MYBPC3: variants seen among roughly 807,000 people sequenced by gnomAD.
MYBPC3 encodes the protein myosin binding protein C3.
A neutral mutation model predicts 159.3 loss-of-function variants in MYBPC3; 108 were observed. The observed-to-expected ratio is 0.68, with a 90% confidence interval of 0.58 to 0.80. The LOEUF (loss-of-function observed/expected upper bound fraction) is 0.80, where lower values mean the gene tolerates loss of function less well. Ranked by LOEUF, MYBPC3 falls within the 30% of genes least tolerant of loss-of-function variation. The pLI is 0.00. For synonymous variants in MYBPC3, 730 were observed against 702.0 expected (o/e 1.04, Z -0.63); for missense variants, 1,631 against 1,762.1 (o/e 0.93, Z 1.33).
Position 47,345,683 on chromosome 11 carries a change from G to A in MYBPC3, c.1090+524C>T, listed in dbSNP as rs376895447. On this transcript the variant is annotated intron_variant, in intron 12 of 34. Coordinates refer to ENST00000545968, the MANE Select transcript of MYBPC3 (RefSeq NM_000256.3). ...GCTCTCCTCTTTCCATCTGCCTGGG[G>A]GTGAGGGTAGTTAACCCAAGCCCTC... is the stretch of plus-strand genomic sequence containing the variant. Among the ~76,000 whole-genome samples the A allele has an allele frequency of 5.3e-5, 8 of 152,278 alleles. No homozygotes were observed. In the East Asian group the frequency reaches 7.7e-4, roughly 15 times the overall value.
In MYBPC3 at chr11:47,335,176, G is replaced by A. The variant is rs200406864; in HGVS notation, c.2771C>T (p.Thr924Ile). 49 of 1,609,644 alleles carry A rather than the reference G, an allele frequency of 3.0e-5. No homozygotes were observed. The highest frequency in any genetic ancestry group is 4.0e-5 in the Non-Finnish European group (47 of 1,177,752). Residue 924 changes from threonine to isoleucine, a missense_variant, in exon 27 of 35, where the codon ACA becomes ATA. Coordinates refer to ENST00000545968, the MANE Select transcript of MYBPC3 (RefSeq NM_000256.3). ...CTTCACCAGTATCGATGTGTGCTCT[G>A]TCAGCCCCTGCAGGGCAGCCACCCA... ...SEWVAALQGL[T>I]EHTSILVKDL...
At chr11:47,344,360 G>A (rs1228054458) in intron 12 of MYBPC3, among the ~76,000 whole-genome samples, 1 of 152,206 alleles carries the variant, frequency 6.6e-6, no homozygotes, top group African/African-American at 2.4e-5. Flanking sequence ...GGCCAGTGCG[G>A]TGGTCCCCAT....
chr11:47,338,654 A>C lies in MYBPC3; in HGVS notation c.2174T>G (p.Val725Gly). 1 of 1,613,168 alleles carries C rather than the reference A, an allele frequency of 6.2e-7. No individual in the cohort carries two copies. Among genetic ancestry groups the C allele is most frequent in the Non-Finnish European group, 8.5e-7 (1 of 1,179,636 alleles). ...GCGGTCCTTGGTGGTCTCCACGCGG[A>C]CCCGGCCCTCGGTCTCACACAGCAG... is the stretch of plus-strand genomic sequence containing the variant. The part of the protein sequence containing the change: ...KKLLCETEGR[V>G]RVETTKDRSI... The change falls in exon 23 of 35, where the codon GTC becomes GGC. Residue 725 changes from valine to glycine, a missense_variant. Val to Gly is a moderately radical substitution (Grantham distance 109, BLOSUM62 -3). Coordinates refer to ENST00000545968, the MANE Select transcript of MYBPC3 (RefSeq NM_000256.3). This position sits in a 1 kb window ranked among gnomAD's most constrained non-coding sequence, Gnocchi z 4.7.
Position 47,350,120 on chromosome 11 carries a change from CA to C in MYBPC3, c.407-9del. 1 of 1,551,712 alleles carries C rather than the reference CA, an allele frequency of 6.4e-7. No individual in the cohort carries two copies. Among genetic ancestry groups the C allele is most frequent in the South Asian group, 1.2e-5 (1 of 84,072 alleles). On this transcript the variant is annotated splice_polypyrimidine_tract_variant and intron_variant, in intron 3 of 34. Transcript: ENST00000545968. ...GAGCTGCTGAGCTTGACCCTGTGAG[CA>C]AAGGCTTTTTCTGTTTGTTTGAGAT...
In MYBPC3 at chr11:47,338,715, A is replaced by G; in HGVS notation, c.2149-36T>C. 6.3e-7 allele frequency: 1 copy of G among 1,576,330 alleles called. No homozygotes were observed. Among genetic ancestry groups the G allele is most frequent in the Non-Finnish European group, 8.6e-7 (1 of 1,161,008 alleles). ...GCAGAGTTGGGGTGAGATCCAAGTC[A>G]GACCCCAGAGGCCCTTGCAGCCTCC... is the stretch of plus-strand genomic sequence containing the variant. On this transcript the variant is annotated intron_variant, in intron 22 of 34. Transcript: ENST00000545968. This position sits in a 1 kb window ranked among gnomAD's most constrained non-coding sequence, Gnocchi z 4.7.
In MYBPC3 at chr11:47,348,301, G is replaced by C. The variant is rs1027888070; in HGVS notation, c.772+123C>G. ...CTCACACCCTGTGTGTGCAGCACTGGGCACGTGGCCAGCACTCATGTCTGG... is the reference window on the plus strand; with the variant it reads ...CTCACACCCTGTGTGTGCAGCACTGCGCACGTGGCCAGCACTCATGTCTGG... On this transcript the variant is annotated intron_variant, in intron 6 of 34. Transcript: ENST00000545968. The C allele has an allele frequency of 1.5e-5, 11 of 733,454 alleles. No homozygotes were observed. The South Asian group carries it at 1.6e-4, about 11-fold the overall frequency. 45.4% of individuals were successfully genotyped at this position (733,454 alleles called of 1,614,324 possible).
chr11:47,342,061 G>A lies in MYBPC3; in HGVS notation c.1720C>T (p.Arg574Trp), dbSNP rs61897383. 36 of 1,612,578 alleles carry A rather than the reference G, an allele frequency of 2.2e-5. No individual in the cohort carries two copies. The highest frequency in any genetic ancestry group is 4.4e-5 in the South Asian group (4 of 90,794). The change falls in exon 18 of 35, where the codon CGG becomes TGG. Residue 574 changes from arginine to tryptophan, a missense_variant. Coordinates refer to ENST00000545968, the MANE Select transcript of MYBPC3 (RefSeq NM_000256.3). ...TTCCCATTCTTCAGCCACACACCCC[G>A]AACATTCTCATCTGAGACCTCACAT... is the stretch of plus-strand genomic sequence containing the variant. The part of the protein sequence containing the change: ...FKCEVSDENV[R>W]GVWLKNGKEL...
In MYBPC3 at chr11:47,352,675, G is replaced by A. The variant is rs1424383393; in HGVS notation, c.-28C>T. On this transcript the variant is annotated 5_prime_UTR_variant, in exon 1 of 35. Coordinates refer to ENST00000545968, the MANE Select transcript of MYBPC3 (RefSeq NM_000256.3). ...TGAGAGACGTCACACCAGGCACGAA[G>A]CAGGCACAGGTCACCCAAAGAGGGA... is the stretch of plus-strand genomic sequence containing the variant. The A allele has an allele frequency of 1.1e-5, 18 of 1,577,838 alleles. No individual in the cohort carries two copies. Among genetic ancestry groups the A allele is most frequent in the Non-Finnish European group, 1.5e-5 (17 of 1,162,828 alleles).
In MYBPC3 at chr11:47,333,229, C is replaced by G. The variant is rs1064794364; in HGVS notation, c.3295G>C (p.Gly1099Arg). ...PQDVGNTELW[G>R]YTVQKADKKT... ...TTGTCGGCTTTCTGCACTGTGTACC[C>G]CCAGAGCTCCGTGTTGCCGACATCC... Residue 1099 changes from glycine (G) to arginine (R), a missense_variant, in exon 30 of 35, where the codon GGG becomes CGG. Coordinates refer to ENST00000545968, the MANE Select transcript of MYBPC3 (RefSeq NM_000256.3). 8 of 1,595,526 alleles carry G rather than the reference C, an allele frequency of 5.0e-6. No homozygotes were observed. Among genetic ancestry groups the G allele is most frequent in the Non-Finnish European group, 6.8e-6 (8 of 1,170,718 alleles).
chr11:47,351,195 C>A lies in MYBPC3; in HGVS notation c.292+44G>T. ...GATGGAGAGTCGCTGGGCTGCCCCT[C>A]CCCCAGCAGCCCAAACCTCAGGGAA... is the stretch of plus-strand genomic sequence containing the variant. On this transcript the variant is annotated intron_variant, in intron 2 of 34. Coordinates refer to ENST00000545968, the MANE Select transcript of MYBPC3 (RefSeq NM_000256.3). The surrounding 1 kb of genome is among the most constrained non-coding windows in gnomAD (Gnocchi z 4.2). 1.4e-6 allele frequency: 2 copies of A among 1,463,110 alleles called. No individual in the cohort carries two copies. Among genetic ancestry groups the A allele is most frequent in the Non-Finnish European group, 1.8e-6 (2 of 1,096,826 alleles). The allele number at this position is 1,463,110 out of a possible 1,614,324, so 90.6% of individuals were successfully genotyped here.
Position 47,347,030 on chromosome 11 carries a change from C to G in MYBPC3, c.906-1G>C, listed in dbSNP as rs587776700. On this transcript the variant is annotated splice_acceptor_variant, in intron 9 of 34. Transcript: ENST00000545968. LOFTEE classifies it high-confidence loss of function. ...ACACCCAGACCCCGATTCTTACTCT[C>G]TGGGCCACAGCAGCAGCAGCCATAA... 1 of 802,048 alleles carries G rather than the reference C, an allele frequency of 1.2e-6. No individual in the cohort carries two copies. The highest frequency in any genetic ancestry group is 2.2e-6 in the Non-Finnish European group (1 of 451,070). 49.7% of individuals were successfully genotyped at this position (802,048 alleles called of 1,614,324 possible).
chr11:47,340,889 C>T, intron 20 of MYBPC3, 114 bp downstream of exon 20: 6 of 1,234,306 alleles, frequency 4.9e-6, no homozygotes, highest in Non-Finnish European at 6.5e-6. Context: ...GAAGCTGGGC[C>T]CCAGGACCCC....
At position 47,332,753 on chromosome 11, in the gene MYBPC3, T is replaced by G; in HGVS notation, c.3491-51A>C. On this transcript the variant is annotated intron_variant, in intron 31 of 34. Transcript: ENST00000545968. The surrounding 1 kb of genome is among the most constrained non-coding windows in gnomAD (Gnocchi z 4.2). ...AGAGGGCCACACAAAGCTAGGCCCC[T>G]CTCCCTGTTCCCACAGCCTCCCTGC... The G allele has an allele frequency of 6.3e-7, 1 of 1,584,266 alleles. No homozygotes were observed. Among genetic ancestry groups the G allele is most frequent in the Non-Finnish European group, 8.6e-7 (1 of 1,164,320 alleles).
intron 18 of MYBPC3, among the ~76,000 whole-genome samples, chr11:47,341,626 C>T (rs1293227239): frequency 6.6e-6 from 1 of 152,220 alleles, no homozygotes; most frequent in Non-Finnish European, 1.5e-5. Flanking sequence ...GCCTCCTGCC[C>T]TGCCCTGGTC....
chr11:47,350,907 T>G (rs1487696057), intron 2 of MYBPC3, among the ~76,000 whole-genome samples: 1 of 152,118 alleles, frequency 6.6e-6, no homozygotes, highest in South Asian at 2.1e-4. Context: ...CCCCTCAGAC[T>G]GGGCTGCACT....
intron 33 of MYBPC3, 72 bp from the exon 34 acceptor site, chr11:47,331,953 G>T: frequency 1.3e-6 from 2 of 1,595,238 alleles, no homozygotes; most frequent in Non-Finnish European, 1.7e-6. Context: ...GGGCGTGGCA[G>T]GGTCCGTGCC....
chr11:47,341,193 GTAGTCAGC>G lies in MYBPC3; in HGVS notation c.1834_1841del (p.Ala612GlnfsTer23). The G allele has an allele frequency of 1.3e-6, 2 of 1,594,274 alleles. No homozygotes were observed. Among genetic ancestry groups the G allele is most frequent in the East Asian group, 4.6e-5 (2 of 43,556 alleles). On this transcript the variant is annotated frameshift_variant, in exon 19 of 35. Transcript: ENST00000545968. LOFTEE classifies it high-confidence loss of function. The stretch of plus-strand genomic sequence containing the variant: ...AGGCGAAGCCCTCGGGCACAAAGCT[GTAGTCAGC>G]CTCGTCGGCAGGTGTGACGTCGTCA...
intron 20 of MYBPC3, 97 bp from the exon 21 acceptor site, chr11:47,339,887 T>C: frequency 7.2e-7 from 1 of 1,384,624 alleles, no homozygotes; most frequent in South Asian, 1.4e-5. Flanking sequence ...CCCTGGTTAT[T>C]GGTTTTTTAG....
In MYBPC3 at chr11:47,351,324, C is replaced by T. The variant is rs397515946; in HGVS notation, c.207G>A (p.Arg69=). Residue 69 remains arginine (R), a synonymous_variant, in exon 2 of 35, where the codon CGG becomes CGA. Coordinates refer to ENST00000545968, the MANE Select transcript of MYBPC3 (RefSeq NM_000256.3). The surrounding 1 kb of genome is among the most constrained non-coding windows in gnomAD (Gnocchi z 4.2). ...ATCCCTGGTCGGCAGGGCCCACTTCCCGCACTGTCAGCGTATGCCGTGTGC... is the reference window on the plus strand; with the variant it reads ...ATCCCTGGTCGGCAGGGCCCACTTCTCGCACTGTCAGCGTATGCCGTGTGC... ...TEGTRHTLTV[R]EVGPADQGSY... is the part of the protein sequence containing the mutation. 1 of 1,591,004 alleles carries T rather than the reference C, an allele frequency of 6.3e-7. No homozygotes were observed. The highest frequency in any genetic ancestry group is 8.6e-7 in the Non-Finnish European group (1 of 1,169,076).
Sources: allele counts gnomAD v4.1 joint callset (sites outside exome capture counted in the v4.1 genomes callset), GRCh38; gene constraint gnomAD v4.1.1; non-coding constraint Gnocchi (gnomAD v3.1); transcripts MANE v1.5; gene names NCBI Gene and HGNC (gene_info 2026-07-23, HGNC 2026-07-21).